DLGAP2: variants seen among roughly 807,000 people sequenced by gnomAD.
The protein encoded by DLGAP2 is disks large-associated protein 2.
A neutral mutation model predicts 100.3 loss-of-function variants in DLGAP2; 26 were observed. That is an observed-to-expected ratio of 0.26 (90% CI 0.19 to 0.36). The LOEUF (loss-of-function observed/expected upper bound fraction) is 0.36. DLGAP2 is among the 10% of genes least tolerant of loss of function. DLGAP2 has a pLI of 1.00. For synonymous variants in DLGAP2, 886 were observed against 630.1 expected, an observed-to-expected ratio of 1.41 and a Z score of -6.08; for missense variants, 1,858 against 1,453.2, an observed-to-expected ratio of 1.28 and a Z score of -4.53.
rs533276515 is a variant in DLGAP2 at position 1,097,103 on chromosome 8, T to A, written c.74-161748T>A. Among the ~76,000 whole-genome samples the A allele has an allele frequency of 5.3e-4, 67 of 125,704 alleles. No homozygotes were observed. The South Asian group carries it at 9.1e-3, about 17-fold the overall frequency. The allele number at this position is 125,704 out of a possible 152,430, so 82.5% of individuals were successfully genotyped here. A position where few individuals can be genotyped will look rare whatever the true frequency, so the allele number is the denominator to read the frequency against. On this transcript the variant is annotated intron_variant, in intron 2 of 14. Coordinates refer to ENST00000637795, the MANE Select transcript of DLGAP2 (RefSeq NM_001346810.2). ...ACCCACCTCCCTGTGCTCAGGAGAG[T>A]CAAGCTGGGAGCCCAGGGCAGGCCT...
chr8:1,621,849 G>A (rs1312367076), intron 6 of DLGAP2: 1 of 152,240 alleles, frequency 6.6e-6, no homozygotes, highest in Non-Finnish European at 1.5e-5. Context: ...GGTTGTCGGG[G>A]CAGCTGTGGG....
intron 6 of DLGAP2, among the ~76,000 whole-genome samples, chr8:1,614,882 C>T (rs895305668): frequency 6.6e-6 from 1 of 152,234 alleles, no homozygotes; most frequent in African/African-American, 2.4e-5. Flanking sequence ...CACGCATGCC[C>T]TCCTGTTTGA....
intron 3 of DLGAP2, chr8:1,302,068 G>C (rs905482820): frequency 3.3e-5 from 5 of 152,336 alleles, no homozygotes; most frequent in Admixed American, 2.0e-4. Context: ...TGGGGGAAAA[G>C]GGTGCCTGTA....
chr8:1,051,216 C>G (rs1054966309), intron 2 of DLGAP2, among the ~76,000 whole-genome samples: 5 of 152,070 alleles, frequency 3.3e-5, no homozygotes, highest in African/African-American at 1.2e-4. Flanking sequence ...CATGAGTTGA[C>G]TTTATCCCAG....
Position 1,703,927 on chromosome 8 carries a change from A to G in DLGAP2, c.*2521A>G, listed in dbSNP as rs1228987049. On this transcript the variant is annotated 3_prime_UTR_variant, in exon 15 of 15. Transcript: ENST00000637795. ...CTGCCTGGTCCGCCATGTTCCAAAGAAGATGATTTAATGGTAGAACGGATA... is the reference window on the plus strand; with the variant it reads ...CTGCCTGGTCCGCCATGTTCCAAAGGAGATGATTTAATGGTAGAACGGATA... The G allele has an allele frequency of 1.3e-5, 2 of 152,636 alleles. No individual in the cohort carries two copies. The highest frequency in any genetic ancestry group is 4.8e-5 in the African/African-American group (2 of 41,424). The allele number at this position is 152,636 out of a possible 1,614,324, so 9.5% of individuals were successfully genotyped here.
At chr8:1,437,273 C>G (rs1038890493) in intron 3 of DLGAP2, among the ~76,000 whole-genome samples, 3 of 152,358 alleles carry the variant, frequency 2.0e-5, no homozygotes, top group South Asian at 4.1e-4. Context: ...TCCGGGTCTC[C>G]GTTCAGCCCA....
intron 2 of DLGAP2, among the ~76,000 whole-genome samples, chr8:1,106,097 T>A (rs1156777641): frequency 6.9e-6 from 1 of 145,600 alleles, no homozygotes; most frequent in African/African-American, 2.6e-5. Context: ...GAGGGTTTTG[T>A]ATTGAAGGGA....
chr8:759,607 C>T (rs537486519), intron 1 of DLGAP2, among the ~76,000 whole-genome samples: 4 of 152,290 alleles, frequency 2.6e-5, no homozygotes, highest in East Asian at 3.9e-4. Context: ...CTGGGCTGCA[C>T]GTTCCCGGGA....
intron 1 of DLGAP2, among the ~76,000 whole-genome samples, chr8:812,043 C>T (rs188074246): frequency 7.6e-4 from 116 of 152,168 alleles, no homozygotes; most frequent in Non-Finnish European, 1.3e-3. Context: ...CTGTACTGGT[C>T]GAGGTTCTCC....
chr8:1,333,237 C>A (rs1455138176), intron 3 of DLGAP2, among the ~76,000 whole-genome samples: 3 of 152,088 alleles, frequency 2.0e-5, no homozygotes, highest in Non-Finnish European at 4.4e-5. Flanking sequence ...CCACTGCTAC[C>A]CTGGCCAGGG....
At chr8:1,439,282 G>A (rs1797753923) in intron 3 of DLGAP2, among the ~76,000 whole-genome samples, 1 of 152,198 alleles carries the variant, frequency 6.6e-6, no homozygotes, top group African/African-American at 2.4e-5. Context: ...GAAGAGGGAA[G>A]GGAAGGAGGG....
chr8:1,358,847 C>G (rs560183105), intron 3 of DLGAP2, among the ~76,000 whole-genome samples: 1 of 150,824 alleles, frequency 6.6e-6, no homozygotes, highest in East Asian at 1.9e-4. Context: ...ATCAGGAGCC[C>G]TGCGGCAGGG....
chr8:866,670 C>T (rs979631340), intron 1 of DLGAP2, among the ~76,000 whole-genome samples: 1 of 152,206 alleles, frequency 6.6e-6, no homozygotes, highest in African/African-American at 2.4e-5. Context: ...CTCCTGGGAG[C>T]TGTGCAGCTT....
chr8:955,136 C>T (rs1174948404), intron 2 of DLGAP2, among the ~76,000 whole-genome samples: 2 of 152,016 alleles, frequency 1.3e-5, no homozygotes, highest in African/African-American at 2.4e-5. Context: ...CACCAGGCGT[C>T]ATCACCTGGC....
At chr8:1,380,422 A>T (rs1227234002) in intron 3 of DLGAP2, 1 of 152,172 alleles carries the variant, frequency 6.6e-6, no homozygotes, top group African/African-American at 2.4e-5. Flanking sequence ...CATTGAGTTG[A>T]ACTAAGGAGA....
chr8:1,565,944 C>T (rs777504934), intron 6 of DLGAP2, 50 bp downstream of exon 6: 78 of 1,480,460 alleles, frequency 5.3e-5, no homozygotes, highest in Admixed American at 2.2e-4. Flanking sequence ...CCACTGCCTG[C>T]GAGCTCCCTC....
At chr8:1,049,619 T>C (rs1363371220) in intron 2 of DLGAP2, among the ~76,000 whole-genome samples, 1 of 152,088 alleles carries the variant, frequency 6.6e-6, no homozygotes, top group Non-Finnish European at 1.5e-5. Context: ...ATAACCACTA[T>C]TGACAGTGTG....
chr8:986,092 T>C (rs977454691), intron 2 of DLGAP2, among the ~76,000 whole-genome samples: 1 of 152,050 alleles, frequency 6.6e-6, no homozygotes, highest in Non-Finnish European at 1.5e-5. Context: ...TCCACGTTAT[T>C]AGGGGGGAGT....
intron 2 of DLGAP2, among the ~76,000 whole-genome samples, chr8:1,086,286 C>G (rs945461991): frequency 5.9e-5 from 9 of 152,058 alleles, no homozygotes; most frequent in African/African-American, 2.2e-4. Flanking sequence ...CATAGGACTT[C>G]TAGTACTATA....
Sources: gnomAD v4.1 joint callset for allele counts (sites outside exome capture counted in the v4.1 genomes callset) on GRCh38, gnomAD v4.1.1 for gene constraint, MANE v1.5 for transcripts, NCBI Gene and HGNC (gene_info 2026-07-23, HGNC 2026-07-21) for gene names.